TSC22D1: variants seen among roughly 807,000 people sequenced by gnomAD.
TSC22D1 encodes TSC22 domain family protein 1.
In TSC22D1, 9 loss-of-function variants were observed where a neutral mutation model predicts 74.2. That is an observed-to-expected ratio of 0.12 (90% CI 0.07 to 0.21). The LOEUF (loss-of-function observed/expected upper bound fraction) is 0.21. Among genes scored for constraint, TSC22D1 ranks in the 10% least tolerant of loss-of-function variants. The pLI is 1.00. For synonymous variants in TSC22D1, 586 were observed against 492.5 expected, an observed-to-expected ratio of 1.19 and a Z score of -2.51; for missense variants, 1,427 against 1,304.7, an observed-to-expected ratio of 1.09 and a Z score of -1.44.
chr13:44,462,229 G>T (rs1305109619), intron 1 of TSC22D1, among the ~76,000 whole-genome samples: 10 of 150,842 alleles, frequency 6.6e-5, no homozygotes. Context: ...TGTTATTTCA[G>T]CAGAGTAACA....
At chr13:44,566,383 T>C (rs774748934) in intron 1 of TSC22D1, among the ~76,000 whole-genome samples, 10 of 152,322 alleles carry the variant, frequency 6.6e-5, no homozygotes, top group Non-Finnish European at 8.8e-5. Context: ...ATTCACAAGA[T>C]TACTGAGTGG....
intron 1 of TSC22D1, chr13:44,539,311 T>C: frequency 2.0e-6 from 2 of 985,290 alleles, no homozygotes; most frequent in Non-Finnish European, 2.4e-6. Context: ...GTCCTAACAT[T>C]TGAGGTAGGA....
intron 1 of TSC22D1, among the ~76,000 whole-genome samples, chr13:44,544,947 A>G (rs550156749): frequency 5.9e-5 from 9 of 152,244 alleles, no homozygotes; most frequent in Non-Finnish European, 1.2e-4. Context: ...ATAGAATAAA[A>G]GATAAAAGGC....
At chr13:44,526,230 T>A (rs1880540628) in intron 1 of TSC22D1, among the ~76,000 whole-genome samples, 1 of 152,186 alleles carries the variant, frequency 6.6e-6, no homozygotes. Context: ...TTTGCAATTA[T>A]TAGGCCAACA....
At chr13:44,528,328 A>G (rs1880653346) in intron 1 of TSC22D1, among the ~76,000 whole-genome samples, 1 of 152,074 alleles carries the variant, frequency 6.6e-6, no homozygotes. Flanking sequence ...AAAAGAATAC[A>G]AACCAAGCTT....
chr13:44,524,275 GA>G lies in TSC22D1; in HGVS notation c.2912+48887del, dbSNP rs113068157. 8.6e-4 allele frequency among the ~76,000 whole-genome samples: 114 copies of G among 132,940 alleles called. 1 individual carries two copies. Among genetic ancestry groups the G allele is most frequent in the Admixed American group, 2.0e-3 (26 of 13,136 alleles). The allele number at this position is 132,940 out of a possible 152,430, so 87.2% of individuals were successfully genotyped here. A position where few individuals can be genotyped will look rare whatever the true frequency, so the allele number is the denominator to read the frequency against. On this transcript the variant is annotated intron_variant, in intron 1 of 2. Coordinates refer to ENST00000458659, the MANE Select transcript of TSC22D1 (RefSeq NM_183422.4). ...AGCTGTCACTCCTGTCCACACAACAGAAAAAAAAAAAAACTGAACTGGAAAT... is the reference window on the plus strand; with the variant it reads ...AGCTGTCACTCCTGTCCACACAACAGAAAAAAAAAAAACTGAACTGGAAAT...
chr13:44,554,630 CAAAAAAAAA>C (rs59922380), intron 1 of TSC22D1, among the ~76,000 whole-genome samples: 2,911 of 68,700 alleles, frequency 0.042, 88 homozygotes, highest in African/African-American at 0.12. Context: ...ATACCAGGAA[CAAAAAAAAA>C]AAAAAAAAAA....
At chr13:44,464,090 C>A (rs1877138063) in intron 1 of TSC22D1, among the ~76,000 whole-genome samples, 1 of 152,184 alleles carries the variant, frequency 6.6e-6, no homozygotes, top group Non-Finnish European at 1.5e-5. Flanking sequence ...CCTAGCTAAA[C>A]CACTTCCAAA....
intron 1 of TSC22D1, among the ~76,000 whole-genome samples, chr13:44,520,169 CAT>C (rs928591949): frequency 2.6e-5 from 4 of 152,154 alleles, no homozygotes; most frequent in African/African-American, 9.7e-5. Flanking sequence ...AGAATTGACA[CAT>C]GATAACCAAG....
chr13:44,498,942 AAGTC>A (rs1879101085), intron 1 of TSC22D1, among the ~76,000 whole-genome samples: 1 of 152,254 alleles, frequency 6.6e-6, no homozygotes, highest in Non-Finnish European at 1.5e-5. Flanking sequence ...AAACTAGTCT[AAGTC>A]AATCTAAGGA....
chr13:44,505,248 C>T (rs1341941257), intron 1 of TSC22D1, among the ~76,000 whole-genome samples: 1 of 152,092 alleles, frequency 6.6e-6, no homozygotes, highest in Non-Finnish European at 1.5e-5. Flanking sequence ...AGCAACAAAG[C>T]AAGACCTCAT....
At chr13:44,504,389 A>C (rs1879349382) in intron 1 of TSC22D1, among the ~76,000 whole-genome samples, 1 of 152,098 alleles carries the variant, frequency 6.6e-6, no homozygotes, top group South Asian at 2.1e-4. Context: ...AGGCAAGAGA[A>C]TCACAGGAGT....
intron 1 of TSC22D1, among the ~76,000 whole-genome samples, chr13:44,506,712 T>C (rs1879464517): frequency 6.6e-6 from 1 of 152,194 alleles, no homozygotes; most frequent in African/African-American, 2.4e-5. Flanking sequence ...CCACTAAAGA[T>C]TTCTGAGCTG....
At chr13:44,438,880 AT>A (rs1482803902) in intron 1 of TSC22D1, among the ~76,000 whole-genome samples, 1 of 152,190 alleles carries the variant, frequency 6.6e-6, no homozygotes, top group Non-Finnish European at 1.5e-5. Context: ...GCTAAATTCC[AT>A]TTACATGTTT....
intron 1 of TSC22D1, chr13:44,539,741 C>T (rs931408659): frequency 1.7e-5 from 21 of 1,246,004 alleles, no homozygotes; most frequent in Non-Finnish European, 2.2e-5. Flanking sequence ...ATAAATTAAC[C>T]CAAGTAAATA....
chr13:44,539,076 T>C (rs774171129), intron 1 of TSC22D1: 214 of 985,170 alleles, frequency 2.2e-4, no homozygotes, highest in Non-Finnish European at 2.5e-4. Context: ...GAGAAAACCA[T>C]CTTAATGCCA....
intron 1 of TSC22D1, among the ~76,000 whole-genome samples, chr13:44,461,567 A>G (rs902273976): frequency 6.6e-6 from 1 of 152,236 alleles, no homozygotes; most frequent in African/African-American, 2.4e-5. Context: ...ATCATTAATT[A>G]GACCAGAGAA....
Position 44,573,624 on chromosome 13 carries a change from C to G in TSC22D1, c.2451G>C (p.Gln817His). 1 of 1,614,258 alleles carries G rather than the reference C, an allele frequency of 6.2e-7. No homozygotes were observed. Among genetic ancestry groups the G allele is most frequent in the Non-Finnish European group, 8.5e-7 (1 of 1,180,052 alleles). ...EPVAQGIVSQ[Q>H]LPAVSSLPSA... is the part of the protein sequence containing the mutation. ...AGGGCAAAGAACTAACTGCAGGCAACTGCTGTGAAACAATTCCTTGAGCTA... is the reference window on the plus strand; with the variant it reads ...AGGGCAAAGAACTAACTGCAGGCAAGTGCTGTGAAACAATTCCTTGAGCTA... Residue 817 changes from glutamine (Q) to histidine (H), a missense_variant, in exon 1 of 3, where the codon CAG becomes CAC. Physicochemically the swap from Gln to His is conservative, Grantham distance 24. Coordinates refer to ENST00000458659, the MANE Select transcript of TSC22D1 (RefSeq NM_183422.4).
chr13:44,445,429 T>A (rs1261544665), intron 1 of TSC22D1, among the ~76,000 whole-genome samples: 4 of 152,076 alleles, frequency 2.6e-5, no homozygotes, highest in Non-Finnish European at 5.9e-5. Flanking sequence ...ATAAAACTTC[T>A]ATAAGAAAAC....
Sources: allele counts gnomAD v4.1 joint callset (sites outside exome capture counted in the v4.1 genomes callset), GRCh38; gene constraint gnomAD v4.1.1; transcripts MANE v1.5; gene names NCBI Gene and HGNC (gene_info 2026-07-23, HGNC 2026-07-21).